The following ROBO2 variants were observed in gnomAD, a reference collection of about 807,000 sequenced individuals.
ROBO2 encodes the protein roundabout guidance receptor 2.
ROBO2 carries 53 observed loss-of-function variants against 160.8 expected under a neutral mutation model. The observed-to-expected ratio is 0.33, with a 90% CI of 0.26 to 0.41. ROBO2 has a LOEUF of 0.41. Ranked by LOEUF, ROBO2 falls within the 10% of genes least tolerant of loss-of-function variation. The probability of loss-of-function intolerance (pLI) is 1.00; values close to 1 mark genes in which losing one functional copy is unlikely to be tolerated. For synonymous variants in ROBO2, 664 were observed against 611.7 expected (o/e 1.09, Z -1.26); for missense variants, 1,577 against 1,722.4 (o/e 0.92, Z 1.49).
At chr3:76,357,692 G>C (rs187235973) in intron 2 of ROBO2, among the ~76,000 whole-genome samples, 3 of 151,800 alleles carry the variant, frequency 2.0e-5, no homozygotes, top group African/African-American at 7.3e-5. Context: ...GAGATAACAG[G>C]ATTATGAACG....
At chr3:76,474,633 AGTAT>A (rs1465542480) in intron 2 of ROBO2, among the ~76,000 whole-genome samples, 1 of 152,180 alleles carries the variant, frequency 6.6e-6, no homozygotes, top group Non-Finnish European at 1.5e-5. Context: ...ATAAAAACTC[AGTAT>A]GTGTCAACTG....
chr3:77,551,432 A>T (rs1256947588), intron 8 of ROBO2, among the ~76,000 whole-genome samples: 3 of 152,072 alleles, frequency 2.0e-5, no homozygotes, highest in Non-Finnish European at 4.4e-5. Context: ...GATTTTAATT[A>T]TGCATTCACT....
chr3:76,407,061 G>T (rs1297167683), intron 2 of ROBO2, among the ~76,000 whole-genome samples: 1 of 141,894 alleles, frequency 7.0e-6, no homozygotes, highest in Non-Finnish European at 1.5e-5. Flanking sequence ...TCCCAAACAT[G>T]CAATGTTTCT....
chr3:77,457,675 G>A (rs1477783770), intron 2 of ROBO2, among the ~76,000 whole-genome samples: 2 of 152,056 alleles, frequency 1.3e-5, no homozygotes, highest in African/African-American at 4.8e-5. Context: ...ATCCAAAGAA[G>A]TAAATGACTA....
At chr3:77,167,772 C>T (rs2079233553) in intron 2 of ROBO2, among the ~76,000 whole-genome samples, 1 of 152,122 alleles carries the variant, frequency 6.6e-6, no homozygotes, top group African/African-American at 2.4e-5. Context: ...GCCCTTGGGT[C>T]TTCTCACTTA....
At chr3:75,988,902 TTTAAC>T (rs2065488890) in intron 2 of ROBO2, among the ~76,000 whole-genome samples, 1 of 151,926 alleles carries the variant, frequency 6.6e-6, no homozygotes, top group Non-Finnish European at 1.5e-5. Flanking sequence ...TCAGTTCTAT[TTTAAC>T]TTAAATATTA....
intron 17 of ROBO2, among the ~76,000 whole-genome samples, chr3:77,594,795 A>G (rs984031015): frequency 6.6e-6 from 1 of 152,184 alleles, no homozygotes; most frequent in Non-Finnish European, 1.5e-5. Flanking sequence ...TTTTAAAATT[A>G]AAAATCTTGA....
At chr3:77,388,098 A>AG (rs2074323662) in intron 2 of ROBO2, among the ~76,000 whole-genome samples, 1 of 151,928 alleles carries the variant, frequency 6.6e-6, no homozygotes, top group Non-Finnish European at 1.5e-5. Flanking sequence ...TACTCTCTTA[A>AG]TATCTATAAG....
intron 21 of ROBO2, among the ~76,000 whole-genome samples, chr3:77,613,648 G>A (rs1400547523): frequency 1.3e-5 from 2 of 152,104 alleles, no homozygotes; most frequent in East Asian, 1.9e-4. Context: ...GGAATGATAT[G>A]TGTGTTTTCA....
At chr3:76,428,552 C>A (rs1394759142) in intron 2 of ROBO2, among the ~76,000 whole-genome samples, 1 of 151,990 alleles carries the variant, frequency 6.6e-6, no homozygotes, top group East Asian at 1.9e-4. Context: ...TATGAAAATA[C>A]TTCACTACTT....
At chr3:76,821,104 A>G (rs1325547117) in intron 2 of ROBO2, among the ~76,000 whole-genome samples, 2 of 152,004 alleles carry the variant, frequency 1.3e-5, no homozygotes, top group Non-Finnish European at 1.5e-5. Context: ...CATTCAGGAA[A>G]TAATCTTCTG....
intron 2 of ROBO2, among the ~76,000 whole-genome samples, chr3:76,410,207 A>G (rs1237384540): frequency 6.6e-6 from 1 of 152,134 alleles, no homozygotes; most frequent in Non-Finnish European, 1.5e-5. Flanking sequence ...CTAAGGGTTT[A>G]GCATCTCAGC....
At chr3:76,392,947 T>C (rs1212293542) in intron 2 of ROBO2, among the ~76,000 whole-genome samples, 3 of 152,196 alleles carry the variant, frequency 2.0e-5, no homozygotes, top group Non-Finnish European at 2.9e-5. Context: ...GAATTCAGTT[T>C]GCTAGAGAAA....
At chr3:76,576,196 T>G (rs1034434412) in intron 2 of ROBO2, among the ~76,000 whole-genome samples, 3 of 152,160 alleles carry the variant, frequency 2.0e-5, no homozygotes, top group Admixed American at 1.3e-4. Context: ...TCATGTTAAC[T>G]TTTGTTGAAT....
intron 2 of ROBO2, among the ~76,000 whole-genome samples, chr3:76,319,564 A>G (rs2072339671): frequency 6.6e-6 from 1 of 152,074 alleles, no homozygotes. Flanking sequence ...TTTTGGGGAA[A>G]AAAAGTATCC....
At chr3:76,098,302 T>C (rs147277132) in intron 2 of ROBO2, among the ~76,000 whole-genome samples, 3 of 152,262 alleles carry the variant, frequency 2.0e-5, no homozygotes, top group African/African-American at 7.2e-5. Context: ...AGAACATCAT[T>C]GGTGAGGTAT....
At chr3:77,485,531 T>C (rs2085249156) in intron 4 of ROBO2, among the ~76,000 whole-genome samples, 1 of 152,106 alleles carries the variant, frequency 6.6e-6, no homozygotes, top group South Asian at 2.1e-4. Context: ...CTCTTCTCTT[T>C]TCTGTGCTGT....
intron 2 of ROBO2, among the ~76,000 whole-genome samples, chr3:77,256,322 AGT>A (rs2058411067): frequency 6.6e-6 from 1 of 152,236 alleles, no homozygotes; most frequent in South Asian, 2.1e-4. Flanking sequence ...TATTTTTTAT[AGT>A]GCTCAAAAAT....
intron 2 of ROBO2, among the ~76,000 whole-genome samples, chr3:76,183,187 A>G (rs1216642484): frequency 2.0e-5 from 3 of 152,160 alleles, no homozygotes; most frequent in African/African-American, 7.2e-5. Flanking sequence ...TGTCATCTCT[A>G]GGACAGCAGT....
Sources: gnomAD v4.1 joint callset for allele counts (sites outside exome capture counted in the v4.1 genomes callset) on GRCh38, gnomAD v4.1.1 for gene constraint, MANE v1.5 for transcripts, NCBI Gene and HGNC (gene_info 2026-07-23, HGNC 2026-07-21) for gene names.